The following NBEA variants were observed in gnomAD, a reference collection of about 807,000 sequenced individuals.
NBEA encodes neurobeachin, also known as lysosomal-trafficking regulator 2.
A neutral mutation model predicts 343.4 loss-of-function variants in NBEA; 44 were observed. The observed-to-expected ratio is 0.13, with a 90% CI of 0.10 to 0.16. The LOEUF (loss-of-function observed/expected upper bound fraction) is 0.16, where lower values mean the gene tolerates loss of function less well. Among genes scored for constraint, NBEA ranks in the 10% least tolerant of loss-of-function variants. The pLI, the probability that NBEA is intolerant of heterozygous loss-of-function variation, is 1.00. For synonymous variants in NBEA, 1,175 were observed against 1,238.7 expected (o/e 0.95, Z 1.08); for missense variants, 2,555 against 3,631.3 (o/e 0.70, Z 7.62).
intron 57 of NBEA, among the ~76,000 whole-genome samples, chr13:35,667,935 C>A (rs2085436293): frequency 6.6e-6 from 1 of 152,090 alleles, no homozygotes; most frequent in African/African-American, 2.4e-5. Context: ...TTACATATAC[C>A]CATTTGCCCT....
In NBEA at chr13:34,983,718, C is replaced by G. The variant is rs544240370; in HGVS notation, c.294+40604C>G. On this transcript the variant is annotated intron_variant, in intron 1 of 58. Coordinates refer to ENST00000379939, the MANE Select transcript of NBEA (RefSeq NM_001385012.1). ...GACTTTCTAATGATCGCCATTCTAACTGGTGTGAGATGGTATCTCATTGTG... is the reference window on the plus strand; with the variant it reads ...GACTTTCTAATGATCGCCATTCTAAGTGGTGTGAGATGGTATCTCATTGTG... Among the ~76,000 whole-genome samples, 83 of 152,284 alleles carry G rather than the reference C, an allele frequency of 5.5e-4. 1 individual carries two copies. The highest frequency in any genetic ancestry group is 3.1e-3 in the South Asian group (15 of 4,826).
At chr13:35,326,321 G>T (rs1379575480) in intron 36 of NBEA, among the ~76,000 whole-genome samples, 3 of 151,972 alleles carry the variant, frequency 2.0e-5, no homozygotes. Flanking sequence ...TTCAGCAGTG[G>T]TTTATTGTTA....
intron 1 of NBEA, among the ~76,000 whole-genome samples, chr13:34,992,208 GTGTGTGTGTGTATA>G (rs1383525615): frequency 1.2e-4 from 17 of 137,388 alleles, no homozygotes; most frequent in South Asian, 4.7e-4. Flanking sequence ...ATGTGTGTGT[GTGTGTGTGTGTATA>G]TGTGTGTGTG....
At chr13:35,350,008 A>G (rs563825820) in intron 37 of NBEA, among the ~76,000 whole-genome samples, 1 of 152,240 alleles carries the variant, frequency 6.6e-6, no homozygotes, top group South Asian at 2.1e-4. Context: ...TGAAATTGCA[A>G]CAACCGTATT....
At chr13:34,944,706 TAGC>T (rs2059136422) in intron 1 of NBEA, among the ~76,000 whole-genome samples, 1 of 152,220 alleles carries the variant, frequency 6.6e-6, no homozygotes, top group African/African-American at 2.4e-5. Context: ...GTTAGTATGT[TAGC>T]AGGTAACTGT....
At chr13:35,265,013 G>A (rs2038809809) in intron 34 of NBEA, among the ~76,000 whole-genome samples, 1 of 151,752 alleles carries the variant, frequency 6.6e-6, no homozygotes, top group African/African-American at 2.4e-5. Context: ...AAAACTATTA[G>A]AACTAATAAA....
At position 35,173,460 on chromosome 13, in the gene NBEA, A is replaced by G; in HGVS notation, c.4424-4A>G. 1 of 1,585,998 alleles carries G rather than the reference A, an allele frequency of 6.3e-7. No homozygotes were observed. Among genetic ancestry groups the G allele is most frequent in the Non-Finnish European group, 8.6e-7 (1 of 1,165,460 alleles). On this transcript the variant is annotated splice_region_variant and splice_polypyrimidine_tract_variant and intron_variant, in intron 26 of 58. Coordinates refer to ENST00000379939, the MANE Select transcript of NBEA (RefSeq NM_001385012.1). ...TAACAATATGTTTTTGAATTTTTAAATAGTTTGTTGTGTTGCTGTGAGAAA... is the reference window on the plus strand; with the variant it reads ...TAACAATATGTTTTTGAATTTTTAAGTAGTTTGTTGTGTTGCTGTGAGAAA...
At chr13:35,656,939 C>T (rs982744317) in intron 55 of NBEA, among the ~76,000 whole-genome samples, 6 of 152,142 alleles carry the variant, frequency 3.9e-5, no homozygotes, top group Admixed American at 6.5e-5. Context: ...TGTTACATTG[C>T]GTGGCTGGCT....
At chr13:35,336,882 A>C (rs979812277) in intron 36 of NBEA, among the ~76,000 whole-genome samples, 1 of 152,052 alleles carries the variant, frequency 6.6e-6, no homozygotes, top group East Asian at 1.9e-4. Flanking sequence ...AGAAGGTGGG[A>C]TAAAGGAGAG....
intron 38 of NBEA, among the ~76,000 whole-genome samples, chr13:35,383,196 G>A (rs908394040): frequency 1.3e-5 from 2 of 152,082 alleles, no homozygotes; most frequent in Non-Finnish European, 2.9e-5. Context: ...GAAAGACTCC[G>A]AATTTGGTAA....
At chr13:35,631,846 C>G (rs550674326) in intron 49 of NBEA, among the ~76,000 whole-genome samples, 1 of 152,128 alleles carries the variant, frequency 6.6e-6, no homozygotes, top group African/African-American at 2.4e-5. Flanking sequence ...TTCTCTATGT[C>G]AGATTGAAAA....
chr13:35,108,041 G>C (rs2066004105), intron 11 of NBEA, among the ~76,000 whole-genome samples: 2 of 152,102 alleles, frequency 1.3e-5, no homozygotes, highest in African/African-American at 4.8e-5. Flanking sequence ...AATATATTGA[G>C]TTATCCTTAT....
Position 35,251,710 on chromosome 13 carries a change from G to A in NBEA, c.5776+19091G>A, listed in dbSNP as rs994579636. The A allele has an allele frequency of 8.6e-6, 3 of 347,534 alleles. No individual in the cohort carries two copies. In the Admixed American group the frequency reaches 1.3e-4, roughly 15 times the overall value. 21.5% of individuals were successfully genotyped at this position (347,534 alleles called of 1,614,324 possible). A position where few individuals can be genotyped will look rare whatever the true frequency, so the allele number is the denominator to read the frequency against. On this transcript the variant is annotated intron_variant, in intron 34 of 58. Transcript: ENST00000379939. ...TATGGCTCCAGAGCAACTCACTGGTGCCCGGGGATGACTACCCGATGGAGC... is the reference window on the plus strand; with the variant it reads ...TATGGCTCCAGAGCAACTCACTGGTACCCGGGGATGACTACCCGATGGAGC...
chr13:35,333,480 T>A (rs2039057079), intron 36 of NBEA, among the ~76,000 whole-genome samples: 1 of 152,240 alleles, frequency 6.6e-6, no homozygotes, highest in Admixed American at 6.5e-5. Flanking sequence ...CAATGCATAA[T>A]AATCACATCA....
intron 41 of NBEA, among the ~76,000 whole-genome samples, chr13:35,524,497 G>T (rs933323081): frequency 6.6e-6 from 1 of 152,084 alleles, no homozygotes; most frequent in Non-Finnish European, 1.5e-5. Context: ...AACTCCACAG[G>T]TTATTTATTG....
At chr13:35,219,993 A>G (rs1190748015) in intron 33 of NBEA, among the ~76,000 whole-genome samples, 1 of 152,162 alleles carries the variant, frequency 6.6e-6, no homozygotes, top group Admixed American at 6.6e-5. Context: ...AAATTGACCC[A>G]TAAAATTAAC....
chr13:35,376,873 T>G (rs2041770453), intron 38 of NBEA, among the ~76,000 whole-genome samples: 1 of 152,142 alleles, frequency 6.6e-6, no homozygotes, highest in Admixed American at 6.5e-5. Flanking sequence ...GTTGACCATG[T>G]GGTACCCCAC....
chr13:34,948,289 G>C (rs188505700), intron 1 of NBEA, among the ~76,000 whole-genome samples: 1 of 152,168 alleles, frequency 6.6e-6, no homozygotes, highest in Non-Finnish European at 1.5e-5. Flanking sequence ...GGCAAGAATT[G>C]TGGTGATTGG....
At chr13:35,247,180 C>T (rs548315062) in intron 34 of NBEA, among the ~76,000 whole-genome samples, 74 of 152,284 alleles carry the variant, frequency 4.9e-4, no homozygotes, top group Non-Finnish European at 9.3e-4. Flanking sequence ...AGTGGGTGAG[C>T]AGGGCTGAGA....
Sources: gnomAD v4.1 joint callset for allele counts (sites outside exome capture counted in the v4.1 genomes callset) on GRCh38, gnomAD v4.1.1 for gene constraint, MANE v1.5 for transcripts, NCBI Gene and HGNC (gene_info 2026-07-23, HGNC 2026-07-21) for gene names.